Variants in SCN7A observed in about 807,000 individuals in gnomAD.
The protein encoded by SCN7A is sodium channel protein type 7 subunit alpha.
SCN7A carries 138 observed loss-of-function variants against 155.2 expected under a neutral mutation model. That is an observed-to-expected ratio of 0.89 (90% CI 0.77 to 1.02). SCN7A has a LOEUF of 1.02. Ranked by LOEUF, SCN7A falls within the 50% of genes least tolerant of loss-of-function variation. SCN7A has a pLI of 0.00. For synonymous variants in SCN7A, 693 were observed against 649.0 expected (o/e 1.07, Z -1.03); for missense variants, 2,058 against 1,986.6 (o/e 1.04, Z -0.68).
intron 25 of SCN7A, 92 bp from the exon 26 acceptor site, chr2:166,406,738 C>T (rs1701085580): frequency 1.2e-6 from 1 of 862,818 alleles, no homozygotes; most frequent in Non-Finnish European, 1.8e-6. Context: ...ATTGTTTTTC[C>T]CTGTTTTATT....
intron 1 of SCN7A, among the ~76,000 whole-genome samples, chr2:166,491,947 G>C (rs17769198): frequency 0.28 from 43,187 of 151,790 alleles, 6,719 homozygotes; most frequent in Non-Finnish European, 0.35. Flanking sequence ...GTTGTGACAC[G>C]TATCTCAACC....
intron 2 of SCN7A, among the ~76,000 whole-genome samples, chr2:166,478,664 A>G (rs532680067): frequency 6.6e-6 from 1 of 152,094 alleles, no homozygotes; most frequent in South Asian, 2.1e-4. Context: ...TCTGTCATCA[A>G]TCCTTATACA....
At chr2:166,450,118 A>G (rs1036761862) in intron 11 of SCN7A, among the ~76,000 whole-genome samples, 1 of 152,230 alleles carries the variant, frequency 6.6e-6, no homozygotes, top group African/African-American at 2.4e-5. Flanking sequence ...CTGGAATACT[A>G]TACCACTCTA....
At chr2:166,432,138 T>A (rs1701744501) in intron 16 of SCN7A, among the ~76,000 whole-genome samples, 180 bp downstream of exon 16, 1 of 152,026 alleles carries the variant, frequency 6.6e-6, no homozygotes. Context: ...AAACTGAAGC[T>A]TGGAAAGTTT....
chr2:166,475,087 T>C lies in SCN7A; in HGVS notation c.235-743A>G, dbSNP rs1394566423. ...GCATATTTTTATATTTGTGTATATA[T>C]ATATACACATATATATGTATATATA... On this transcript the variant is annotated intron_variant, in intron 3 of 25. Coordinates refer to ENST00000643258, the MANE Select transcript of SCN7A (RefSeq NM_002976.4). Among the ~76,000 whole-genome samples, 30 of 121,080 alleles carry C rather than the reference T, an allele frequency of 2.5e-4. 1 individual carries two copies. The highest frequency in any genetic ancestry group is 9.0e-4 in the African/African-American group (29 of 32,384). The allele number at this position is 121,080 out of a possible 152,430, so 79.4% of individuals were successfully genotyped here.
intron 10 of SCN7A, among the ~76,000 whole-genome samples, chr2:166,460,519 A>G (rs1702380504): frequency 6.6e-6 from 1 of 152,092 alleles, no homozygotes; most frequent in African/African-American, 2.4e-5. Flanking sequence ...AAGCAACTAA[A>G]ACACCACAAT....
At chr2:166,485,582 AT>A in intron 2 of SCN7A, among the ~76,000 whole-genome samples, 1 of 152,280 alleles carries the variant, frequency 6.6e-6, no homozygotes, top group African/African-American at 2.4e-5. Flanking sequence ...TCACTGAGAA[AT>A]GTGACTATGA....
At chr2:166,459,787 T>A (rs1702361067) in intron 10 of SCN7A, among the ~76,000 whole-genome samples, 1 of 152,306 alleles carries the variant, frequency 6.6e-6, no homozygotes, top group Middle Eastern at 3.4e-3. Context: ...CATGGAATAC[T>A]ATGCAGCCAT....
chr2:166,459,955 A>G (rs1031572140), intron 10 of SCN7A, among the ~76,000 whole-genome samples: 3 of 152,184 alleles, frequency 2.0e-5, no homozygotes, highest in African/African-American at 7.2e-5. Flanking sequence ...GGAGGGGAAC[A>G]TCACGTACCA....
At chr2:166,445,910 A>T (rs2105442832) in intron 12 of SCN7A, among the ~76,000 whole-genome samples, 1 of 152,316 alleles carries the variant, frequency 6.6e-6, no homozygotes, top group South Asian at 2.1e-4. Context: ...TGTGAAACCT[A>T]AAACCATAAA....
At chr2:166,408,493 A>T (rs1036829991) in intron 25 of SCN7A, among the ~76,000 whole-genome samples, 6 of 151,980 alleles carry the variant, frequency 3.9e-5, no homozygotes, top group African/African-American at 1.4e-4. Flanking sequence ...TTTCTCTCTG[A>T]CTGCAATTGC....
intron 23 of SCN7A, 39 bp from the exon 24 acceptor site, chr2:166,410,363 A>G: frequency 7.1e-7 from 1 of 1,407,078 alleles, no homozygotes; most frequent in Non-Finnish European, 9.6e-7. Context: ...AATCACACTT[A>G]ATCCAAATTT....
intron 3 of SCN7A, among the ~76,000 whole-genome samples, chr2:166,475,619 TA>T (rs1253942178): frequency 1.3e-5 from 2 of 151,954 alleles, no homozygotes; most frequent in Non-Finnish European, 2.9e-5. Flanking sequence ...TCTGATTTTT[TA>T]AAATGTGCTT....
At chr2:166,454,703 T>C (rs1241867985) in intron 11 of SCN7A, among the ~76,000 whole-genome samples, 1 of 152,178 alleles carries the variant, frequency 6.6e-6, no homozygotes, top group Non-Finnish European at 1.5e-5. Context: ...TGGCTCAATA[T>C]AGACCTTTTT....
Position 166,414,012 on chromosome 2 carries a change from A to AAATATAT in SCN7A, c.3415-892_3415-891insATATATT, listed in dbSNP as rs1219655316. ...ATATATATATATATATAAATATACTATATATATGTAAATATATATAAATAT... is the reference window on the plus strand; with the variant it reads ...ATATATATATATATATAAATATACTAAATATATTATATATGTAAATATATATAAATAT... On this transcript the variant is annotated intron_variant, in intron 21 of 25. Transcript: ENST00000643258. 2.5e-3 allele frequency among the ~76,000 whole-genome samples: 227 copies of AAATATAT among 92,644 alleles called. 16 individuals are homozygous for AAATATAT. Among genetic ancestry groups the AAATATAT allele is most frequent in the African/African-American group, 9.3e-3 (220 of 23,626 alleles). The allele number at this position is 92,644 out of a possible 152,430, so 60.8% of individuals were successfully genotyped here.
In SCN7A at chr2:166,429,024, T is replaced by C. The variant is rs550039717; in HGVS notation, c.2698+145A>G. ...ACTGTCAGAGGAAAACAAGTTGTAATGGTGACACTTGTACATTTAACATGA... is the reference window on the plus strand; with the variant it reads ...ACTGTCAGAGGAAAACAAGTTGTAACGGTGACACTTGTACATTTAACATGA... On this transcript the variant is annotated intron_variant, in intron 17 of 25. Coordinates refer to ENST00000643258, the MANE Select transcript of SCN7A (RefSeq NM_002976.4). The C allele has an allele frequency of 2.4e-4, 127 of 531,932 alleles. No individual in the cohort carries two copies. In the South Asian group the frequency reaches 2.9e-3, roughly 12 times the overall value. 33.0% of individuals were successfully genotyped at this position (531,932 alleles called of 1,614,324 possible).
intron 10 of SCN7A, among the ~76,000 whole-genome samples, chr2:166,458,158 T>A (rs1702325814): frequency 6.6e-6 from 1 of 151,964 alleles, no homozygotes; most frequent in South Asian, 2.1e-4. Context: ...AAATCCCATC[T>A]CTACTAAAAA....
At chr2:166,449,830 G>A (rs1417754977) in intron 11 of SCN7A, among the ~76,000 whole-genome samples, 1 of 152,138 alleles carries the variant, frequency 6.6e-6, no homozygotes, top group Admixed American at 6.5e-5. Flanking sequence ...AGATGTTGGT[G>A]AGGTTGTGGA....
chr2:166,447,958 T>C (rs1478926858), intron 11 of SCN7A, among the ~76,000 whole-genome samples: 1 of 152,118 alleles, frequency 6.6e-6, no homozygotes, highest in Non-Finnish European at 1.5e-5. Context: ...TTTCTTTGTA[T>C]TGATAACATT....
Sources: gnomAD v4.1 joint callset for allele counts (sites outside exome capture counted in the v4.1 genomes callset) on GRCh38, gnomAD v4.1.1 for gene constraint, MANE v1.5 for transcripts, NCBI Gene and HGNC (gene_info 2026-07-23, HGNC 2026-07-21) for gene names.